Variants in WWOX observed in about 807,000 individuals in gnomAD.
WWOX encodes WW domain containing oxidoreductase.
Under a neutral mutation model 46.2 loss-of-function variants are expected in WWOX, and 69 were observed. The ratio of observed to expected loss-of-function variants is 1.49; its 90% CI spans 1.23 to 1.82. WWOX has a LOEUF of 1.82. WWOX is among the 40% of genes most tolerant of loss of function. WWOX has a pLI of 0.00. For missense variants in WWOX, 919 were observed against 542.6 expected (o/e 1.69, Z -6.89); for synonymous variants, 359 against 202.6 (o/e 1.77, Z -6.56).
At chr16:78,199,094 A>G (rs2151772774) in intron 5 of WWOX, among the ~76,000 whole-genome samples, 1 of 152,222 alleles carries the variant, frequency 6.6e-6, no homozygotes, top group Non-Finnish European at 1.5e-5. Context: ...TGGATGGATC[A>G]CCAGGTCAGG....
At chr16:78,890,926 G>C (rs1221419209) in intron 8 of WWOX, 4 of 152,110 alleles carry the variant, frequency 2.6e-5, no homozygotes, top group African/African-American at 9.7e-5. Flanking sequence ...TCATCAGGGG[G>C]AACAAACCTG....
At chr16:78,130,823 T>C (rs140783630) in intron 4 of WWOX, among the ~76,000 whole-genome samples, 5 of 152,344 alleles carry the variant, frequency 3.3e-5, no homozygotes, top group African/African-American at 1.2e-4. Flanking sequence ...TTGTGGAGGA[T>C]ACAAAACACA....
intron 8 of WWOX, among the ~76,000 whole-genome samples, chr16:78,674,278 C>CTTTTTTTT (rs11386735): frequency 2.2e-5 from 3 of 138,710 alleles, no homozygotes; most frequent in Non-Finnish European, 1.5e-5. Context: ...ACCAGTTCAT[C>CTTTTTTTT]TTTTTTTTTT....
At chr16:78,909,530 C>G (rs938098247) in intron 8 of WWOX, among the ~76,000 whole-genome samples, 2 of 152,156 alleles carry the variant, frequency 1.3e-5, no homozygotes, top group African/African-American at 4.8e-5. Context: ...CACGTGCCTT[C>G]TGGATGGTTT....
chr16:78,829,133 G>GGATGGATGGAC (rs1567589201), intron 8 of WWOX, among the ~76,000 whole-genome samples: 3 of 133,258 alleles, frequency 2.3e-5, no homozygotes, highest in African/African-American at 8.6e-5. Flanking sequence ...GATGGATGGA[G>GGATGGATGGAC]AGAGAGAGAG....
chr16:78,998,905 G>A (rs889989920), intron 8 of WWOX, among the ~76,000 whole-genome samples: 1 of 152,164 alleles, frequency 6.6e-6, no homozygotes, highest in Admixed American at 6.5e-5. Context: ...CTTTGTTATT[G>A]CCTATGCATG....
intron 8 of WWOX, among the ~76,000 whole-genome samples, chr16:78,813,245 C>G (rs1281076860): frequency 6.6e-6 from 1 of 151,940 alleles, no homozygotes; most frequent in African/African-American, 2.4e-5. Context: ...TGTTTTAGGT[C>G]ATAAGTATTT....
At chr16:78,381,016 A>C (rs1392740314) in intron 5 of WWOX, among the ~76,000 whole-genome samples, 1 of 152,164 alleles carries the variant, frequency 6.6e-6, no homozygotes, top group East Asian at 1.9e-4. Context: ...TAATTAAGGC[A>C]ATTGAAGCCC....
At chr16:78,259,488 A>G (rs986068515) in intron 5 of WWOX, among the ~76,000 whole-genome samples, 1 of 145,242 alleles carries the variant, frequency 6.9e-6, no homozygotes, top group Non-Finnish European at 1.5e-5. Flanking sequence ...CACTATGCCC[A>G]GCTAATTTTT....
At chr16:78,286,586 CT>C (rs2079771028) in intron 5 of WWOX, among the ~76,000 whole-genome samples, 1 of 151,918 alleles carries the variant, frequency 6.6e-6, no homozygotes, top group Non-Finnish European at 1.5e-5. Flanking sequence ...AAACTTGATT[CT>C]TGATTTTTTT....
chr16:79,104,797 C>T (rs1382760852), intron 8 of WWOX, among the ~76,000 whole-genome samples: 1 of 152,136 alleles, frequency 6.6e-6, no homozygotes, highest in Non-Finnish European at 1.5e-5. Context: ...GCTGGGAATT[C>T]ATTAAGAGAT....
At chr16:78,337,550 A>G (rs183396371) in intron 5 of WWOX, among the ~76,000 whole-genome samples, 1 of 152,306 alleles carries the variant, frequency 6.6e-6, no homozygotes, top group East Asian at 1.9e-4. Context: ...AGGTTTGTTC[A>G]ATGCATAATG....
intron 8 of WWOX, among the ~76,000 whole-genome samples, chr16:78,598,897 A>T (rs953232036): frequency 3.9e-5 from 6 of 152,262 alleles, no homozygotes; most frequent in African/African-American, 1.4e-4. Flanking sequence ...TAAACACATG[A>T]CACCAATAGC....
At chr16:78,409,996 G>C (rs1175579424) in intron 6 of WWOX, among the ~76,000 whole-genome samples, 2 of 152,212 alleles carry the variant, frequency 1.3e-5, no homozygotes, top group African/African-American at 2.4e-5. Flanking sequence ...ATAATCCCTA[G>C]TGTTGGCGGT....
chr16:78,549,820 A>G (rs1416896779), intron 8 of WWOX, among the ~76,000 whole-genome samples: 2 of 152,214 alleles, frequency 1.3e-5, no homozygotes, highest in Admixed American at 6.5e-5. Flanking sequence ...TGTAACAAAC[A>G]TTTGTATGGT....
intron 8 of WWOX, among the ~76,000 whole-genome samples, chr16:78,657,267 A>G (rs2047102852): frequency 6.6e-6 from 1 of 152,164 alleles, no homozygotes; most frequent in East Asian, 1.9e-4. Flanking sequence ...GTGAGTGAAG[A>G]CGCTCTTCTC....
intron 7 of WWOX, among the ~76,000 whole-genome samples, chr16:78,430,681 A>G (rs769419859): frequency 6.6e-6 from 1 of 152,174 alleles, no homozygotes; most frequent in Non-Finnish European, 1.5e-5. Flanking sequence ...TTTGGGTACT[A>G]GAAAAAAGGC....
At chr16:78,520,203 T>C (rs566177897) in intron 8 of WWOX, among the ~76,000 whole-genome samples, 11 of 152,346 alleles carry the variant, frequency 7.2e-5, no homozygotes, top group Non-Finnish European at 1.3e-4. Flanking sequence ...ATTGCCAGGC[T>C]GGACTCTAAA....
At chr16:78,614,431 G>A (rs973612071) in intron 8 of WWOX, among the ~76,000 whole-genome samples, 1 of 152,236 alleles carries the variant, frequency 6.6e-6, no homozygotes, top group Non-Finnish European at 1.5e-5. Context: ...GGGCCCTGAG[G>A]TATCTCCTAT....
Sources: gnomAD v4.1 joint callset for allele counts (sites outside exome capture counted in the v4.1 genomes callset) on GRCh38, gnomAD v4.1.1 for gene constraint, MANE v1.5 for transcripts, NCBI Gene and HGNC (gene_info 2026-07-23, HGNC 2026-07-21) for gene names.